The following MOB1B variants were observed in gnomAD, a reference collection of about 807,000 sequenced individuals.
The protein encoded by MOB1B is MOB1 Mps One Binder homolog B.
In MOB1B, 19 loss-of-function variants were observed where a neutral mutation model predicts 24.4. The observed-to-expected ratio is 0.78, with a 90% CI of 0.54 to 1.14. The LOEUF (loss-of-function observed/expected upper bound fraction) is 1.14. Among genes scored for constraint, MOB1B ranks in the 50% most tolerant of loss-of-function variants. MOB1B has a pLI of 0.00. For synonymous variants in MOB1B, 76 were observed against 82.1 expected (o/e 0.93, Z 0.40); for missense variants, 243 against 259.6 (o/e 0.94, Z 0.44).
intron 3 of MOB1B, among the ~76,000 whole-genome samples, chr4:70,971,086 A>G (rs1199108644): frequency 6.6e-6 from 1 of 152,168 alleles, no homozygotes; most frequent in Non-Finnish European, 1.5e-5. Flanking sequence ...TGGACTTTGT[A>G]TGGGGTTTGT....
intron 1 of MOB1B, among the ~76,000 whole-genome samples, chr4:70,903,387 G>C (rs1211223872): frequency 1.3e-5 from 2 of 152,160 alleles, no homozygotes; most frequent in African/African-American, 4.8e-5. Context: ...GACGAGTGGA[G>C]GGGAACGTGG....
chr4:70,968,158 T>A (rs1272723400), intron 2 of MOB1B, among the ~76,000 whole-genome samples: 1 of 151,852 alleles, frequency 6.6e-6, no homozygotes, highest in Non-Finnish European at 1.5e-5. Flanking sequence ...CCTATGCTCT[T>A]TTTAAGAAAT....
At chr4:70,903,731 A>T (rs564181867) in intron 1 of MOB1B, among the ~76,000 whole-genome samples, 1 of 151,952 alleles carries the variant, frequency 6.6e-6, no homozygotes, top group Non-Finnish European at 1.5e-5. Context: ...TCACATGCTC[A>T]CATCTAGAAT....
chr4:70,981,255 A>G (rs1739202883), intron 5 of MOB1B, among the ~76,000 whole-genome samples: 1 of 152,188 alleles, frequency 6.6e-6, no homozygotes, highest in African/African-American at 2.4e-5. Context: ...TTGGCATATG[A>G]TAGATGCTAA....
chr4:70,915,790 A>G (rs527576147), intron 1 of MOB1B, among the ~76,000 whole-genome samples: 2 of 148,298 alleles, frequency 1.3e-5, no homozygotes, highest in East Asian at 2.0e-4. Context: ...GTCCCTACCT[A>G]TTGGGGATCG....
intron 1 of MOB1B, among the ~76,000 whole-genome samples, chr4:70,936,155 C>T (rs1035755875): frequency 1.3e-5 from 2 of 151,666 alleles, no homozygotes; most frequent in Non-Finnish European, 2.9e-5. Flanking sequence ...CCGGCCGGTA[C>T]ACTAATTTTT....
At position 70,972,072 on chromosome 4, in the gene MOB1B, G is replaced by C. The variant is rs77985884; in HGVS notation, c.275+2048G>C. 2.7e-5 allele frequency among the ~76,000 whole-genome samples: 4 copies of C among 150,778 alleles called. No homozygotes were observed. In the East Asian group the frequency reaches 7.8e-4, roughly 29 times the overall value. ...TTAGTGCTAAGAAGATGTAGTTGTT[G>C]TCATAGTTCTTCATTTTTACCAGCA... is the stretch of plus-strand genomic sequence containing the variant. On this transcript the variant is annotated intron_variant, in intron 3 of 5. Coordinates refer to ENST00000309395, the MANE Select transcript of MOB1B (RefSeq NM_173468.4).
intron 1 of MOB1B, among the ~76,000 whole-genome samples, chr4:70,950,427 C>CAA (rs34937726): frequency 2.3e-4 from 16 of 70,360 alleles, no homozygotes; most frequent in South Asian, 5.1e-4. Flanking sequence ...GTCTCTGTAT[C>CAA]AAAAAAAAAA....
At chr4:70,980,669 A>G (rs975571502) in intron 5 of MOB1B, among the ~76,000 whole-genome samples, 13 of 152,210 alleles carry the variant, frequency 8.5e-5, no homozygotes, top group African/African-American at 3.1e-4. Flanking sequence ...GAATATGCCT[A>G]CCTAGATCCC....
intron 1 of MOB1B, among the ~76,000 whole-genome samples, chr4:70,906,862 A>G (rs1486535494): frequency 6.6e-6 from 1 of 152,210 alleles, no homozygotes. Context: ...TGCCAGGCGT[A>G]GAGGAAGATA....
intron 1 of MOB1B, among the ~76,000 whole-genome samples, chr4:70,952,642 C>CAAAAAAAAAAA: frequency 3.7e-5 from 2 of 54,010 alleles, no homozygotes; most frequent in South Asian, 6.8e-4. Flanking sequence ...GACGCCGTCT[C>CAAAAAAAAAAA]AAAAAAAAAA....
chr4:70,952,502 C>T (rs541171286), intron 1 of MOB1B, among the ~76,000 whole-genome samples: 125 of 151,388 alleles, frequency 8.3e-4, no homozygotes, highest in Middle Eastern at 6.8e-3. Flanking sequence ...AATTAGGTGA[C>T]CGTGGTGGCG....
At chr4:70,919,498 C>G (rs1736336969) in intron 1 of MOB1B, among the ~76,000 whole-genome samples, 1 of 151,970 alleles carries the variant, frequency 6.6e-6, no homozygotes, top group African/African-American at 2.4e-5. Flanking sequence ...AAGACTGTTT[C>G]TTTTTTTGTT....
intron 1 of MOB1B, among the ~76,000 whole-genome samples, chr4:70,926,343 G>A (rs985712183): frequency 3.3e-5 from 5 of 151,726 alleles, no homozygotes; most frequent in African/African-American, 1.2e-4. Flanking sequence ...CCGAGATTCA[G>A]AGTCTTTGGT....
chr4:70,979,411 T>G (rs1204036504), intron 5 of MOB1B, 120 bp downstream of exon 5: 10 of 684,134 alleles, frequency 1.5e-5, no homozygotes, highest in African/African-American at 7.2e-5. Context: ...GTCTGCATCC[T>G]CTTCTACAGT....
intron 1 of MOB1B, among the ~76,000 whole-genome samples, chr4:70,931,362 T>G (rs1736883545): frequency 6.6e-6 from 1 of 152,136 alleles, no homozygotes; most frequent in Admixed American, 6.5e-5. Context: ...CTTTAGGTGG[T>G]GGTAGTTACA....
intron 1 of MOB1B, among the ~76,000 whole-genome samples, chr4:70,915,238 C>T (rs984159444): frequency 6.6e-6 from 1 of 152,118 alleles, no homozygotes; most frequent in Non-Finnish European, 1.5e-5. Context: ...TGAAGGTAAA[C>T]AAGCATTATT....
chr4:70,927,765 T>G (rs1736710764), intron 1 of MOB1B, among the ~76,000 whole-genome samples: 1 of 152,100 alleles, frequency 6.6e-6, no homozygotes, highest in Non-Finnish European at 1.5e-5. Context: ...GTAGGAATCC[T>G]TCGGTGCACT....
upstream of MOB1B, among the ~76,000 whole-genome samples, chr4:70,901,976 C>G (rs999808039): frequency 1.3e-5 from 2 of 152,170 alleles, no homozygotes; most frequent in African/African-American, 4.8e-5. Context: ...CGGACACTCA[C>G]GGTGGGCCTA....
Sources: allele counts gnomAD v4.1 joint callset (sites outside exome capture counted in the v4.1 genomes callset), GRCh38; gene constraint gnomAD v4.1.1; transcripts MANE v1.5; gene names NCBI Gene and HGNC (gene_info 2026-07-23, HGNC 2026-07-21).